Variants in ASMTL observed in about 807,000 individuals in gnomAD.
The protein encoded by ASMTL is acetylserotonin O-methyltransferase like.
In ASMTL, 57 loss-of-function variants were observed where a neutral mutation model predicts 60.3. The ratio of observed to expected loss-of-function variants is 0.95; its 90% CI spans 0.76 to 1.18. The LOEUF is 1.18. Among genes scored for constraint, ASMTL ranks in the 50% most tolerant of loss-of-function variants. The pLI is 0.00. For missense variants in ASMTL, 981 were observed against 852.6 expected (o/e 1.15, Z -1.88); for synonymous variants, 419 against 373.0 (o/e 1.12, Z -1.42).
intron 3 of ASMTL, 147 bp from the exon 4 acceptor site, chrX:1,435,905 A>G (rs1222372325): frequency 1.4e-6 from 1 of 724,306 alleles, no homozygotes; most frequent in African/African-American, 1.7e-5. Flanking sequence ...AACTAACCAG[A>G]GTTGCCATGT....
At chrX:1,415,548 C>T (rs1324204732) in intron 11 of ASMTL, among the ~76,000 whole-genome samples, 3 of 151,356 alleles carry the variant, frequency 2.0e-5, no homozygotes, top group Non-Finnish European at 2.9e-5. Context: ...TCACTGCAAC[C>T]TCCGCCTCCC....
intron 5 of ASMTL, among the ~76,000 whole-genome samples, chrX:1,434,241 G>C (rs2090897972): frequency 6.6e-6 from 1 of 152,182 alleles, no homozygotes; most frequent in Non-Finnish European, 1.5e-5. Flanking sequence ...TGCAGTCCCA[G>C]CACTTTGGGA....
At chrX:1,411,337 G>A (rs118169214) in intron 12 of ASMTL, among the ~76,000 whole-genome samples, 4,974 of 152,262 alleles carry the variant, frequency 0.033, 278 homozygotes, top group African/African-American at 0.11. Flanking sequence ...ATAATTAACC[G>A]TTGTCTGCAA....
intron 8 of ASMTL, among the ~76,000 whole-genome samples, chrX:1,424,853 TCCAC>T (rs771376811): frequency 1.0e-5 from 1 of 96,622 alleles, no homozygotes; most frequent in Non-Finnish European, 2.2e-5. Flanking sequence ...CATCTATCCA[TCCAC>T]CCACCCACCC....
chrX:1,411,732 C>G (rs1256099878), intron 12 of ASMTL, among the ~76,000 whole-genome samples: 2 of 86,198 alleles, frequency 2.3e-5, no homozygotes, highest in African/African-American at 1.1e-4. Flanking sequence ...TGAAGACCTC[C>G]TCAAGAATGA....
chrX:1,415,046 TTC>T (rs1480017737), intron 11 of ASMTL, among the ~76,000 whole-genome samples: 1 of 95,354 alleles, frequency 1.0e-5, no homozygotes, highest in Non-Finnish European at 2.2e-5. Context: ...GTTCAAGCGA[TTC>T]TCCTGCCTCA....
At position 1,412,409 on chromosome X, in the gene ASMTL, G is replaced by C. The variant is rs181108731; in HGVS notation, c.1645+323C>G. Among the ~76,000 whole-genome samples, 268 of 150,024 alleles carry C rather than the reference G, an allele frequency of 1.8e-3. 1 individual carries two copies. The highest frequency in any genetic ancestry group is 5.8e-3 in the African/African-American group (236 of 40,838). ...CACCTGGCTAATTTTTGTATTTTTA[G>C]TAGAGACGGGGTTTCACCATGTTGG... On this transcript the variant is annotated intron_variant, in intron 12 of 12. Coordinates refer to ENST00000381317, the MANE Select transcript of ASMTL (RefSeq NM_004192.4).
At chrX:1,406,635 T>TGATG (rs1226648018) in intron 12 of ASMTL, among the ~76,000 whole-genome samples, 1 of 144,530 alleles carries the variant, frequency 6.9e-6, no homozygotes, top group East Asian at 2.1e-4. Flanking sequence ...TGCATGGATG[T>TGATG]GATGGATGGA....
intron 7 of ASMTL, among the ~76,000 whole-genome samples, chrX:1,426,710 G>A (rs543877642): frequency 1.4e-4 from 21 of 152,236 alleles, no homozygotes; most frequent in African/African-American, 4.1e-4. Context: ...AAAATTAGCC[G>A]GGCTTGGTGG....
chrX:1,412,284 G>C (rs1343057416), intron 12 of ASMTL, among the ~76,000 whole-genome samples: 2 of 152,110 alleles, frequency 1.3e-5, no homozygotes, highest in Non-Finnish European at 2.9e-5. Context: ...CTGGAGTGCA[G>C]TGGCGCGATC....
intron 12 of ASMTL, among the ~76,000 whole-genome samples, chrX:1,406,934 G>A (rs778926125): frequency 2.0e-5 from 3 of 147,024 alleles, no homozygotes. Context: ...ATGGATGCAT[G>A]GATGAGATGG....
At chrX:1,404,148 G>A (rs1171814799) in intron 12 of ASMTL, among the ~76,000 whole-genome samples, 42 of 150,670 alleles carry the variant, frequency 2.8e-4, no homozygotes, top group African/African-American at 8.6e-4. Flanking sequence ...GTGAATAGAT[G>A]GTAGATGATG....
intron 12 of ASMTL, among the ~76,000 whole-genome samples, chrX:1,406,194 AATGGATGGATGAG>A (rs1223943212): frequency 1.8e-5 from 2 of 109,058 alleles, no homozygotes; most frequent in South Asian, 3.1e-4. Flanking sequence ...TAGATAGATG[AATGGATGGATGAG>A]ATGGATGGAT....
At chrX:1,422,382 C>G (rs67349861) in intron 8 of ASMTL, among the ~76,000 whole-genome samples, 115,524 of 152,052 alleles carry the variant, frequency 0.76, 45,359 homozygotes, top group South Asian at 0.91. Context: ...CTTCCAGCCT[C>G]CTGGCCTGCC....
chrX:1,420,187 G>C (rs1256621775), intron 9 of ASMTL, among the ~76,000 whole-genome samples: 11 of 150,918 alleles, frequency 7.3e-5, no homozygotes, highest in Admixed American at 6.6e-4. Context: ...GCCTCCCTCT[G>C]TCTCTCAAGT....
chrX:1,417,299 G>GCA (rs1186579357), intron 11 of ASMTL, among the ~76,000 whole-genome samples: 3 of 17,758 alleles, frequency 1.7e-4, no homozygotes, highest in East Asian at 0.062. Context: ...ACACAGACGG[G>GCA]CACACAGACG....
Position 1,418,128 on chromosome X carries a change from C to T in ASMTL, c.1379-12G>A, listed in dbSNP as rs771819472. The stretch of plus-strand genomic sequence containing the variant: ...TGCACCCGTGCAGCCTGCGGGGAAG[C>T]AAATGCATGCTCTGTGGCTGGGTCG... On this transcript the variant is annotated splice_polypyrimidine_tract_variant and intron_variant, in intron 10 of 12. Coordinates refer to ENST00000381317, the MANE Select transcript of ASMTL (RefSeq NM_004192.4). 5 of 1,585,620 alleles carry T rather than the reference C, an allele frequency of 3.2e-6. No individual in the cohort carries two copies. The East Asian group carries it at 9.0e-5, about 29-fold the overall frequency.
Position 1,432,335 on chromosome X carries a change from G to C in ASMTL, c.443C>G (p.Thr148Arg). ...GGACAGCTCCGAGAACTTCACCTTC[G>C]TTTCCTCGTAGAATTCCGAGACCCT... ...DTRVSEFYEE[T>R]KVKFSELSEE... is the part of the protein sequence containing the mutation. Residue 148 changes from threonine (T) to arginine (R), a missense_variant, in exon 6 of 13, where the codon ACG becomes AGG. By Grantham distance (71) the Thr-to-Arg change is moderately conservative (BLOSUM62 -1). Transcript: ENST00000381317. 1.2e-6 allele frequency: 2 copies of C among 1,613,280 alleles called. No homozygotes were observed. Among genetic ancestry groups the C allele is most frequent in the Non-Finnish European group, 1.7e-6 (2 of 1,179,772 alleles).
At chrX:1,442,756 C>A (rs1176109529) in intron 1 of ASMTL, among the ~76,000 whole-genome samples, 1 of 152,118 alleles carries the variant, frequency 6.6e-6, no homozygotes, top group Non-Finnish European at 1.5e-5. Flanking sequence ...GCAATGATGG[C>A]TGTGGGAAGG....
Sources: allele counts gnomAD v4.1 joint callset (sites outside exome capture counted in the v4.1 genomes callset), GRCh38; gene constraint gnomAD v4.1.1; transcripts MANE v1.5; gene names NCBI Gene and HGNC (gene_info 2026-07-23, HGNC 2026-07-21).